Variants in CHSY3 observed in about 807,000 individuals in gnomAD.
CHSY3 encodes the protein N-acetylgalactosaminyl-proteoglycan 3-beta-glucuronosyltransferase 3.
In CHSY3, 35 loss-of-function variants were observed where a neutral mutation model predicts 67.2. That is an observed-to-expected ratio of 0.52 (90% CI 0.40 to 0.69). The LOEUF (loss-of-function observed/expected upper bound fraction) is 0.69. Among genes scored for constraint, CHSY3 ranks in the 30% least tolerant of loss-of-function variants. The pLI is 0.00. For missense variants in CHSY3, 1,069 were observed against 1,138.5 expected (o/e 0.94, Z 0.88); for synonymous variants, 474 against 434.7 (o/e 1.09, Z -1.12).
chr5:129,927,962 T>C (rs991872478), intron 2 of CHSY3, among the ~76,000 whole-genome samples: 88 of 152,036 alleles, frequency 5.8e-4, no homozygotes, highest in African/African-American at 2.1e-3. Flanking sequence ...AGAATGATAA[T>C]TTTATGTGAT....
At chr5:130,011,737 T>C (rs1465942329) in intron 2 of CHSY3, among the ~76,000 whole-genome samples, 12 of 152,226 alleles carry the variant, frequency 7.9e-5, no homozygotes, top group Admixed American at 3.9e-4. Flanking sequence ...GCCCAAAGGC[T>C]CCTAGATCTG....
At chr5:129,951,235 A>G (rs1362938187) in intron 2 of CHSY3, among the ~76,000 whole-genome samples, 1 of 152,194 alleles carries the variant, frequency 6.6e-6, no homozygotes, top group African/African-American at 2.4e-5. Context: ...ATCACTCCCC[A>G]AAGTCAACTC....
Position 130,021,950 on chromosome 5 carries a change from C to A in CHSY3, c.1086+113590C>A, listed in dbSNP as rs142219321. Among the ~76,000 whole-genome samples, 284 of 152,140 alleles carry A rather than the reference C, an allele frequency of 1.9e-3. 3 individuals are homozygous for A. The highest frequency in any genetic ancestry group is 6.5e-3 in the African/African-American group (268 of 41,542). ...GTGCCATCTATTGGAAAGATCCATA[C>A]GTAGTCAGATCCATGGAGTACAGGA... On this transcript the variant is annotated intron_variant, in intron 2 of 2. Coordinates refer to ENST00000305031, the MANE Select transcript of CHSY3 (RefSeq NM_175856.5).
chr5:130,001,971 C>A, intron 2 of CHSY3: 1 of 876,590 alleles, frequency 1.1e-6, no homozygotes, highest in Non-Finnish European at 1.4e-6. Context: ...CTTATATTGG[C>A]TACAATAAGC....
intron 2 of CHSY3, among the ~76,000 whole-genome samples, chr5:130,000,592 CT>C (rs5871374): frequency 0.34 from 49,007 of 144,610 alleles, 8,154 homozygotes; most frequent in South Asian, 0.45. Context: ...CTTTCACCCA[CT>C]TTTTTTTTTT....
chr5:129,920,028 T>C (rs556046266), intron 2 of CHSY3, among the ~76,000 whole-genome samples: 13 of 152,310 alleles, frequency 8.5e-5, no homozygotes, highest in African/African-American at 3.1e-4. Context: ...TACCATGCTG[T>C]GCAACAGATT....
At chr5:130,049,654 T>C (rs1171734186) in intron 2 of CHSY3, among the ~76,000 whole-genome samples, 1 of 152,156 alleles carries the variant, frequency 6.6e-6, no homozygotes, top group Non-Finnish European at 1.5e-5. Flanking sequence ...TAGGATGTGC[T>C]TTATAAATGT....
At chr5:129,956,070 A>T (rs1261766478) in intron 2 of CHSY3, among the ~76,000 whole-genome samples, 1 of 152,222 alleles carries the variant, frequency 6.6e-6, no homozygotes, top group Admixed American at 6.5e-5. Context: ...TGCTGGGTTG[A>T]AGGTTCTCTA....
intron 2 of CHSY3, among the ~76,000 whole-genome samples, chr5:130,031,342 A>G (rs940769259): frequency 2.0e-5 from 3 of 152,050 alleles, no homozygotes; most frequent in African/African-American, 4.8e-5. Context: ...TCATACTTTA[A>G]TGGATTTTAT....
chr5:130,103,355 T>G (rs1767308634), intron 2 of CHSY3, among the ~76,000 whole-genome samples: 1 of 152,084 alleles, frequency 6.6e-6, no homozygotes, highest in South Asian at 2.1e-4. Flanking sequence ...ATTTCTATAA[T>G]TGAGTTATTT....
Position 129,943,262 on chromosome 5 carries a change from A to G in CHSY3, c.1086+34902A>G, listed in dbSNP as rs114964447. On this transcript the variant is annotated intron_variant, in intron 2 of 2. Coordinates refer to ENST00000305031, the MANE Select transcript of CHSY3 (RefSeq NM_175856.5). The stretch of plus-strand genomic sequence containing the variant: ...ATATCATCAATGCATACTGTGAGAA[A>G]GGTTTTGCAGTAATTCAGTTACTGA... Among the ~76,000 whole-genome samples the G allele has an allele frequency of 3.8e-3, 580 of 152,290 alleles. 8 individuals are homozygous for G. The highest frequency in any genetic ancestry group is 0.013 in the African/African-American group (545 of 41,574).
At chr5:130,003,569 G>A (rs1321675715) in intron 2 of CHSY3, among the ~76,000 whole-genome samples, 2 of 152,036 alleles carry the variant, frequency 1.3e-5, no homozygotes, top group Non-Finnish European at 2.9e-5. Context: ...TTTAGCATGA[G>A]CCACATGTTC....
At chr5:130,099,933 G>C (rs1767173731) in intron 2 of CHSY3, among the ~76,000 whole-genome samples, 1 of 152,072 alleles carries the variant, frequency 6.6e-6, no homozygotes, top group South Asian at 2.1e-4. Flanking sequence ...TGTAATGAAT[G>C]TGTCTCACCT....
intron 2 of CHSY3, among the ~76,000 whole-genome samples, chr5:129,972,696 A>T (rs1224927846): frequency 1.3e-5 from 2 of 151,760 alleles, no homozygotes; most frequent in African/African-American, 2.4e-5. Context: ...TAACTCCCCC[A>T]CACCCACTCT....
At chr5:129,960,942 C>G (rs1348061282) in intron 2 of CHSY3, among the ~76,000 whole-genome samples, 1 of 152,018 alleles carries the variant, frequency 6.6e-6, no homozygotes, top group Non-Finnish European at 1.5e-5. Context: ...ACTCTGAAAG[C>G]CGTGTCCACC....
chr5:129,985,778 G>A (rs1449766261), intron 2 of CHSY3, among the ~76,000 whole-genome samples: 1 of 151,950 alleles, frequency 6.6e-6, no homozygotes, highest in African/African-American at 2.4e-5. Flanking sequence ...TCTTCTCTTT[G>A]TGGCTTTTGT....
intron 2 of CHSY3, among the ~76,000 whole-genome samples, chr5:129,932,004 A>G (rs1251733151): frequency 6.6e-6 from 1 of 151,854 alleles, no homozygotes; most frequent in Non-Finnish European, 1.5e-5. Context: ...AGAAAAAGAA[A>G]TAATAGGATG....
chr5:130,004,011 G>T (rs534422550), intron 2 of CHSY3, among the ~76,000 whole-genome samples: 2 of 152,204 alleles, frequency 1.3e-5, no homozygotes, highest in South Asian at 4.1e-4. Context: ...TTTCCTTTGA[G>T]AACTTTATTT....
At chr5:129,924,112 T>A (rs1366064845) in intron 2 of CHSY3, among the ~76,000 whole-genome samples, 1 of 152,142 alleles carries the variant, frequency 6.6e-6, no homozygotes, top group Non-Finnish European at 1.5e-5. Flanking sequence ...TTGAACTAAA[T>A]CACTAATATA....
Sources: gnomAD v4.1 joint callset for allele counts (sites outside exome capture counted in the v4.1 genomes callset) on GRCh38, gnomAD v4.1.1 for gene constraint, MANE v1.5 for transcripts, NCBI Gene and HGNC (gene_info 2026-07-23, HGNC 2026-07-21) for gene names.